Variants in ARPP21 observed in about 807,000 individuals in gnomAD.
The protein encoded by ARPP21 is cAMP regulated phosphoprotein 21.
ARPP21 carries 69 observed loss-of-function variants against 113.2 expected under a neutral mutation model. That is an observed-to-expected ratio of 0.61 (90% CI 0.50 to 0.74). ARPP21 has a LOEUF of 0.74. ARPP21 is among the 30% of genes least tolerant of loss of function. The pLI is 0.00. For missense variants in ARPP21, 1,070 were observed against 1,037.4 expected (o/e 1.03, Z -0.43); for synonymous variants, 368 against 375.5 (o/e 0.98, Z 0.23).
chr3:35,658,126 A>G (rs1705868497), intron 1 of ARPP21, among the ~76,000 whole-genome samples: 1 of 152,118 alleles, frequency 6.6e-6, no homozygotes, highest in Non-Finnish European at 1.5e-5. Context: ...ACCCATGATT[A>G]TATAGGTGAG....
chr3:35,647,472 A>C (rs1222639334), intron 1 of ARPP21, among the ~76,000 whole-genome samples: 1 of 152,090 alleles, frequency 6.6e-6, no homozygotes, highest in African/African-American at 2.4e-5. Flanking sequence ...TCTGAGAGGG[A>C]GCAGGTAAAT....
chr3:35,673,478 A>G (rs990775646), intron 1 of ARPP21, among the ~76,000 whole-genome samples: 1 of 151,968 alleles, frequency 6.6e-6, no homozygotes, highest in Non-Finnish European at 1.5e-5. Flanking sequence ...TTTGGGAGTG[A>G]TGATTTTGGT....
intron 19 of ARPP21, among the ~76,000 whole-genome samples, chr3:35,745,886 C>T (rs1405366012): frequency 1.3e-5 from 2 of 152,234 alleles, no homozygotes; most frequent in East Asian, 3.9e-4. Context: ...TCACATTCTC[C>T]CACATCACCG....
intron 9 of ARPP21, among the ~76,000 whole-genome samples, chr3:35,701,314 T>A (rs1017757636): frequency 6.6e-6 from 1 of 151,824 alleles, no homozygotes; most frequent in Non-Finnish European, 1.5e-5. Flanking sequence ...CTCATATCAT[T>A]TAGAAGAATT....
At chr3:35,774,351 G>A (rs143137344) in intron 19 of ARPP21, among the ~76,000 whole-genome samples, 1 of 152,116 alleles carries the variant, frequency 6.6e-6, no homozygotes, top group Non-Finnish European at 1.5e-5. Flanking sequence ...AGGAAAATTT[G>A]CTTCTACATT....
intron 19 of ARPP21, among the ~76,000 whole-genome samples, chr3:35,750,343 G>T (rs2095358436): frequency 1.3e-5 from 2 of 151,914 alleles, no homozygotes; most frequent in African/African-American, 4.8e-5. Flanking sequence ...ATTTAGTGGT[G>T]TGTTGCTTAA....
intron 13 of ARPP21, among the ~76,000 whole-genome samples, chr3:35,721,355 CAG>C (rs1182604767): frequency 2.0e-5 from 3 of 152,264 alleles, no homozygotes; most frequent in South Asian, 2.1e-4. Context: ...CCTTCACCGA[CAG>C]AGGGATCATG....
chr3:35,656,826 T>G (rs1274299185), intron 1 of ARPP21, among the ~76,000 whole-genome samples: 2 of 151,928 alleles, frequency 1.3e-5, no homozygotes, highest in Non-Finnish European at 2.9e-5. Flanking sequence ...GTTTTAAAAT[T>G]AAAAAAGGCA....
chr3:35,718,325 T>G (rs551345202), intron 13 of ARPP21, among the ~76,000 whole-genome samples: 1 of 152,328 alleles, frequency 6.6e-6, no homozygotes, highest in Admixed American at 6.5e-5. Context: ...TTATGAAGTC[T>G]TCCTTATGTA....
At chr3:35,663,889 A>C (rs898750951) in intron 1 of ARPP21, among the ~76,000 whole-genome samples, 1 of 152,204 alleles carries the variant, frequency 6.6e-6, no homozygotes, top group Non-Finnish European at 1.5e-5. Context: ...CATACTTGGC[A>C]TCTCAAAAAA....
intron 1 of ARPP21, among the ~76,000 whole-genome samples, chr3:35,662,941 A>T (rs1708475028): frequency 6.6e-6 from 1 of 152,150 alleles, no homozygotes; most frequent in Non-Finnish European, 1.5e-5. Context: ...GGAAGAAAGG[A>T]TGAAGAGAAG....
chr3:35,676,192 G>T (rs1016999457), intron 1 of ARPP21, among the ~76,000 whole-genome samples: 3 of 151,930 alleles, frequency 2.0e-5, no homozygotes, highest in Non-Finnish European at 4.4e-5. Flanking sequence ...TTCTTCAGAT[G>T]TTTTTATTGA....
At chr3:35,759,387 A>T (rs1467758379) in intron 19 of ARPP21, among the ~76,000 whole-genome samples, 2 of 152,102 alleles carry the variant, frequency 1.3e-5, no homozygotes, top group Admixed American at 1.3e-4. Flanking sequence ...ATGACATAAT[A>T]TGCATATACC....
chr3:35,762,906 G>A (rs1192285630), intron 19 of ARPP21, among the ~76,000 whole-genome samples: 1 of 152,084 alleles, frequency 6.6e-6, no homozygotes, highest in East Asian at 1.9e-4. Flanking sequence ...GTGAGGAGGG[G>A]CCATTTCTCT....
Position 35,793,784 on chromosome 3 carries a change from G to C in ARPP21, c.2370G>C (p.Gly790=). 6.2e-7 allele frequency: 1 copy of C among 1,614,030 alleles called. No individual in the cohort carries two copies. Among genetic ancestry groups the C allele is most frequent in the Non-Finnish European group, 8.5e-7 (1 of 1,179,950 alleles). Residue 790 remains glycine (G), a synonymous_variant, in exon 21 of 21, where the codon GGG becomes GGC. Transcript: ENST00000684406. ...TGCTACCTAACCAGGCAGGTCAAGG[G>C]TCACTCCCAGCCACTGGAATGCCTG... ...PIMLPNQAGQ[G]SLPATGMPVY...
chr3:35,668,014 GAAGAAGAAGAAGAAGAA>G (rs2075258875), intron 1 of ARPP21, among the ~76,000 whole-genome samples: 3 of 149,740 alleles, frequency 2.0e-5, no homozygotes, highest in Non-Finnish European at 3.0e-5. Flanking sequence ...AGAAGAAGAA[GAAGAAGAAGAAGAAGAA>G]GGAGAAGAAG....
intron 19 of ARPP21, among the ~76,000 whole-genome samples, chr3:35,765,201 T>C (rs564800431): frequency 1.3e-5 from 2 of 152,254 alleles, no homozygotes; most frequent in South Asian, 4.1e-4. Context: ...TTACCTTAAA[T>C]ATCCTGAGCT....
Position 35,715,448 on chromosome 3 carries a change from TC to T in ARPP21, c.910del (p.Gln304ArgfsTer71). The T allele has an allele frequency of 6.2e-7, 1 of 1,613,286 alleles. No homozygotes were observed. The highest frequency in any genetic ancestry group is 8.5e-7 in the Non-Finnish European group (1 of 1,179,498). ...TTTTTTTATTTTTCAGTCAGTTTGC[TC>T]CCAGGAAAGCCTTTTTGTGGAAAAC... is the stretch of plus-strand genomic sequence containing the variant. ...ERIFAHDSVC[S>X]QESLFVENSR... is the part of the protein sequence containing the mutation. On this transcript the variant is annotated frameshift_variant, in exon 12 of 21. Transcript: ENST00000684406. LOFTEE classifies it high-confidence loss of function.
chr3:35,764,358 A>C (rs2095877853), intron 19 of ARPP21, among the ~76,000 whole-genome samples: 2 of 152,206 alleles, frequency 1.3e-5, no homozygotes, highest in African/African-American at 4.8e-5. Flanking sequence ...TTGATTTCAA[A>C]TGCTGACAGC....
Sources: gnomAD v4.1 joint callset for allele counts (sites outside exome capture counted in the v4.1 genomes callset) on GRCh38, gnomAD v4.1.1 for gene constraint, MANE v1.5 for transcripts, NCBI Gene and HGNC (gene_info 2026-07-23, HGNC 2026-07-21) for gene names.